TBC1D28: variants seen among roughly 807,000 people sequenced by gnomAD.
TBC1D28 encodes TBC1 domain family member 28.
In TBC1D28, 20 loss-of-function variants were observed where a neutral mutation model predicts 29.2. The observed-to-expected ratio is 0.68, with a 90% confidence interval of 0.48 to 0.99. TBC1D28 has a LOEUF of 0.99. Ranked by LOEUF, TBC1D28 falls within the 50% of genes least tolerant of loss-of-function variation. TBC1D28 has a pLI of 0.00. For missense variants in TBC1D28, 205 were observed against 243.7 expected (o/e 0.84, Z 1.06); for synonymous variants, 65 against 90.9 (o/e 0.71, Z 1.62).
At chr17:18,635,385 C>T (rs1042363311) in exon 9 of TBC1D28, 21 of 318,194 alleles carry the variant, frequency 6.6e-5, no homozygotes, top group Non-Finnish European at 9.1e-5. Flanking sequence ...CCAGGAAGCG[C>T]CCGCGCTGGG....
exon 9 of TBC1D28, chr17:18,636,314 G>C (rs1319408577): frequency 3.4e-6 from 5 of 1,451,520 alleles, no homozygotes; most frequent in Admixed American, 2.7e-5. Context: ...CTAGGCTTTG[G>C]GGCAACACCA....
intron 8 of TBC1D28, among the ~76,000 whole-genome samples, chr17:18,637,604 C>T (rs982394802): frequency 5.3e-5 from 8 of 150,428 alleles, no homozygotes; most frequent in African/African-American, 2.0e-4. Flanking sequence ...GCACTTTTCA[C>T]CATCTGCATG....
At chr17:18,636,389 G>T in exon 9 of TBC1D28, 3 of 1,580,136 alleles carry the variant, frequency 1.9e-6, no homozygotes, top group Non-Finnish European at 1.7e-6. Flanking sequence ...CAGGAGTCTG[G>T]GCTTCAACCC....
At position 18,638,484 on chromosome 17, in the gene TBC1D28, G is replaced by A. The variant is rs182898731; in HGVS notation, c.280-64C>T. 1.9e-5 allele frequency: 31 copies of A among 1,594,500 alleles called. No homozygotes were observed. In the Admixed American group the frequency reaches 2.7e-4, roughly 14 times the overall value. On this transcript the variant is annotated intron_variant, in intron 6 of 8. Coordinates refer to ENST00000345096, the Ensembl canonical transcript of TBC1D28. ...GGCAACCCCGCAGAGGAAAGCTGGCGAACAGGCCTGCAGTCCTATGGCAAG... is the reference window on the plus strand; with the variant it reads ...GGCAACCCCGCAGAGGAAAGCTGGCAAACAGGCCTGCAGTCCTATGGCAAG...
At chr17:18,634,791 C>CCCTCAGCCCCTCAGCCG (rs2031399653), downstream of TBC1D28, among the ~76,000 whole-genome samples, 13 of 149,534 alleles carry the variant, frequency 8.7e-5, no homozygotes, top group African/African-American at 2.7e-4. Context: ...GGCTGCCCGC[C>CCCTCAGCCCCTCAGCCG]CCTCAGCCCC....
upstream of TBC1D28, among the ~76,000 whole-genome samples, chr17:18,643,377 T>G (rs941354827): frequency 6.7e-6 from 1 of 150,294 alleles, no homozygotes; most frequent in Non-Finnish European, 1.5e-5. Context: ...AAGGAGGCTC[T>G]AAGGACAAAC....
At position 18,638,308 on chromosome 17, in the gene TBC1D28, C is replaced by G. The variant is rs779591581; in HGVS notation, c.387+5G>C. 9.3e-6 allele frequency: 15 copies of G among 1,614,050 alleles called. No individual in the cohort carries two copies. The highest frequency in any genetic ancestry group is 4.0e-5 in the African/African-American group (3 of 75,044). On this transcript the variant is annotated splice_donor_5th_base_variant and intron_variant, in intron 7 of 8. Coordinates refer to ENST00000345096, the Ensembl canonical transcript of TBC1D28. ...CTGCCCTAGCTGAGTGTGGGAGGGA[C>G]TTACCTTATATTTGCCTGGGTTCTG...
At position 18,636,500 on chromosome 17, in the gene TBC1D28, G is replaced by A. The variant is rs375356825; in HGVS notation, c.595C>T (p.Gln199Ter). 18 of 1,613,946 alleles carry A rather than the reference G, an allele frequency of 1.1e-5. No individual in the cohort carries two copies. Among genetic ancestry groups the A allele is most frequent in the Non-Finnish European group, 1.4e-5 (16 of 1,180,022 alleles). The change falls in exon 9 of 9, where the codon CAG becomes TAG. Residue 199 changes from glutamine (Q) to a stop codon, truncating the protein, a stop_gained. Coordinates refer to ENST00000345096, the Ensembl canonical transcript of TBC1D28. LOFTEE classifies it high-confidence loss of function. The stretch of plus-strand genomic sequence containing the variant: ...ACACCCCCGAGAGACACCCATGCCT[G>A]TGAATATGGGCACAGGTACCAGGAA...
chr17:18,643,591 T>A (rs1176342529), upstream of TBC1D28, among the ~76,000 whole-genome samples: 1 of 150,658 alleles, frequency 6.6e-6, no homozygotes, highest in Non-Finnish European at 1.5e-5. Flanking sequence ...GCCAAGCCTC[T>A]GCTGACCAGG....
intron 8 of TBC1D28, among the ~76,000 whole-genome samples, chr17:18,637,464 GA>G (rs1305301935): frequency 7.1e-6 from 1 of 140,666 alleles, no homozygotes; most frequent in Admixed American, 7.1e-5. Context: ...AGCCATGGAT[GA>G]GAGTTTCCGG....
At chr17:18,636,212 T>C in exon 9 of TBC1D28, 1 of 1,270,396 alleles carries the variant, frequency 7.9e-7, no homozygotes, top group African/African-American at 1.5e-5. Context: ...GCAAACTCAT[T>C]TCATGACAAG....
At chr17:18,640,460 C>CG (rs919786831) in intron 4 of TBC1D28, among the ~76,000 whole-genome samples, 1 of 151,264 alleles carries the variant, frequency 6.6e-6, no homozygotes, top group Non-Finnish European at 1.5e-5. Flanking sequence ...GCACCACTCC[C>CG]GGGGCCTTCA....
At chr17:18,639,038 G>A in intron 5 of TBC1D28, 137 bp downstream of exon 6, 2 of 1,368,382 alleles carry the variant, frequency 1.5e-6, no homozygotes, top group Admixed American at 4.5e-5. Context: ...GAGTCCAGCA[G>A]GAAAGGCCAC....
At chr17:18,637,798 G>T in intron 8 of TBC1D28, 66 bp downstream of exon 9, 1 of 1,611,422 alleles carries the variant, frequency 6.2e-7, no homozygotes, top group Non-Finnish European at 8.5e-7. Flanking sequence ...TCTGCCCTGG[G>T]GACAACCTCA....
At chr17:18,634,816 G>GCCCCTCAGCC (rs2031404076), downstream of TBC1D28, among the ~76,000 whole-genome samples, 2 of 94,724 alleles carry the variant, frequency 2.1e-5, no homozygotes, top group African/African-American at 7.7e-5. Context: ...CCCCTCAGCC[G>GCCCCTCAGCC]CCTCAGCCCC....
chr17:18,638,398 A>T (rs1442380225), exon 7 of TBC1D28: 44 of 1,614,014 alleles, frequency 2.7e-5, no homozygotes, highest in Non-Finnish European at 3.7e-5. Flanking sequence ...CAGGGGAATG[A>T]CTTTGCATAC....
chr17:18,640,466 C>T (rs2031713691), intron 4 of TBC1D28, among the ~76,000 whole-genome samples: 1 of 151,570 alleles, frequency 6.6e-6, no homozygotes, highest in Non-Finnish European at 1.5e-5. Context: ...CTCCCGGGGC[C>T]TTCAGTTGCA....
chr17:18,638,694 C>A lies in TBC1D28; in HGVS notation c.206G>T (p.Arg69Leu), dbSNP rs779017445. 4 of 1,614,042 alleles carry A rather than the reference C, an allele frequency of 2.5e-6. No individual in the cohort carries two copies. The highest frequency in any genetic ancestry group is 2.2e-5 in the East Asian group (1 of 44,888). ...CTTGTTGGTACGTTTACTTTCCTTG[C>A]GTCTTTGCTGTCAAATGAGCCATGA... The change falls in exon 6 of 9, where the codon CGC becomes CTC. Residue 69 changes from arginine to leucine, a missense_variant. Coordinates refer to ENST00000345096, the Ensembl canonical transcript of TBC1D28.
exon 8 of TBC1D28, chr17:18,637,876 C>T (rs761706558): frequency 7.4e-6 from 12 of 1,613,654 alleles, no homozygotes; most frequent in Middle Eastern, 1.6e-4. Flanking sequence ...GACTCCGAAT[C>T]TTTGTATGAA....
Sources: gnomAD v4.1 joint callset for allele counts (sites outside exome capture counted in the v4.1 genomes callset) on GRCh38, gnomAD v4.1.1 for gene constraint, MANE v1.5 for transcripts, NCBI Gene and HGNC (gene_info 2026-07-23, HGNC 2026-07-21) for gene names.